Variants in PTPRG observed in about 807,000 individuals in gnomAD.
PTPRG encodes the protein receptor-type tyrosine-protein phosphatase gamma.
Under a neutral mutation model 165.3 loss-of-function variants are expected in PTPRG, and 102 were observed. That is an observed-to-expected ratio of 0.62 (90% CI 0.53 to 0.73). The LOEUF is 0.73. Among genes scored for constraint, PTPRG ranks in the 30% least tolerant of loss-of-function variants. The pLI, the probability that PTPRG is intolerant of heterozygous loss-of-function variation, is 0.00. For synonymous variants in PTPRG, 675 were observed against 669.5 expected (o/e 1.01, Z -0.13); for missense variants, 1,866 against 1,861.4 (o/e 1.00, Z -0.05).
chr3:61,903,400 G>A (rs1355205071), intron 2 of PTPRG, among the ~76,000 whole-genome samples: 1 of 152,186 alleles, frequency 6.6e-6, no homozygotes, highest in Non-Finnish European at 1.5e-5. Flanking sequence ...TTGAGACGGA[G>A]TCTTGTTCTG....
intron 1 of PTPRG, among the ~76,000 whole-genome samples, chr3:61,701,760 C>T (rs2030973543): frequency 2.6e-5 from 4 of 151,880 alleles, no homozygotes; most frequent in South Asian, 2.1e-4. Context: ...ATCCAGGTGT[C>T]GTGTCACGTG....
chr3:62,016,246 C>T (rs969487824), intron 4 of PTPRG, among the ~76,000 whole-genome samples: 1 of 152,162 alleles, frequency 6.6e-6, no homozygotes, highest in Non-Finnish European at 1.5e-5. Context: ...TGGCTCACTG[C>T]AACCTCCGCC....
In PTPRG at chr3:62,080,637, A is replaced by T. The variant is rs189543292; in HGVS notation, c.615+2379A>T. On this transcript the variant is annotated intron_variant, in intron 5 of 29. Transcript: ENST00000474889. ...GGGAACCTTTCTTAAAAGAAAATTT[A>T]AAAAAAACTTTTTAATGTTTTTATG... 5.4e-3 allele frequency among the ~76,000 whole-genome samples: 821 copies of T among 152,162 alleles called. 4 individuals are homozygous for T. Among genetic ancestry groups the T allele is most frequent in the Middle Eastern group, 0.01 (3 of 292 alleles).
chr3:61,905,175 T>C (rs2107528525), intron 2 of PTPRG, among the ~76,000 whole-genome samples: 1 of 152,220 alleles, frequency 6.6e-6, no homozygotes, highest in East Asian at 1.9e-4. Flanking sequence ...ATACAGGTTA[T>C]ATTACTCTCA....
chr3:61,684,637 C>T (rs1033102745), intron 1 of PTPRG, among the ~76,000 whole-genome samples: 6 of 152,240 alleles, frequency 3.9e-5, no homozygotes, highest in African/African-American at 9.6e-5. Context: ...GTCATAAAAG[C>T]GGGGGCCTCT....
intron 8 of PTPRG, among the ~76,000 whole-genome samples, chr3:62,185,207 C>T (rs544047466): frequency 1.3e-5 from 2 of 152,154 alleles, no homozygotes; most frequent in Non-Finnish European, 2.9e-5. Flanking sequence ...AGGAGCAGTA[C>T]CTTCATGCCT....
At chr3:61,730,891 G>C (rs2032463027) in intron 1 of PTPRG, among the ~76,000 whole-genome samples, 1 of 152,184 alleles carries the variant, frequency 6.6e-6, no homozygotes, top group Non-Finnish European at 1.5e-5. Flanking sequence ...TTGGGAACTG[G>C]ATTTCTAGGT....
intron 1 of PTPRG, among the ~76,000 whole-genome samples, chr3:61,724,225 A>AAG (rs56299416): frequency 1.3e-5 from 2 of 151,570 alleles, no homozygotes; most frequent in East Asian, 3.9e-4. Flanking sequence ...TCCAAAAAAA[A>AAG]AAAAAAGTAG....
intron 2 of PTPRG, among the ~76,000 whole-genome samples, chr3:61,937,786 A>G (rs964225131): frequency 7.2e-5 from 11 of 152,340 alleles, no homozygotes; most frequent in Admixed American, 2.0e-4. Flanking sequence ...TCCACCTCCC[A>G]GCTCCAGTAT....
intron 14 of PTPRG, 77 bp from the exon 15 acceptor site, chr3:62,243,730 T>C (rs1028795721): frequency 1.3e-5 from 12 of 926,844 alleles, no homozygotes; most frequent in East Asian, 1.1e-4. Context: ...GGAAGATCTA[T>C]AAAATAAGAA....
intron 2 of PTPRG, among the ~76,000 whole-genome samples, chr3:61,931,899 C>T (rs190170116): frequency 5.9e-5 from 9 of 152,280 alleles, no homozygotes; most frequent in Admixed American, 5.2e-4. Flanking sequence ...AAAGCCAGAC[C>T]TTTGGTCCTA....
At chr3:62,285,416 G>C (rs1250217665) in intron 28 of PTPRG, among the ~76,000 whole-genome samples, 4 of 149,946 alleles carry the variant, frequency 2.7e-5, no homozygotes, top group Admixed American at 1.3e-4. Flanking sequence ...GCACGCATTT[G>C]ATCTGTGAGG....
At chr3:61,714,412 A>T (rs1219959387) in intron 1 of PTPRG, among the ~76,000 whole-genome samples, 1 of 152,108 alleles carries the variant, frequency 6.6e-6, no homozygotes, top group Non-Finnish European at 1.5e-5. Context: ...TTCCTCCCTG[A>T]TAGCTGGAAT....
chr3:61,583,105 G>T (rs75253390), intron 1 of PTPRG, among the ~76,000 whole-genome samples: 1 of 152,276 alleles, frequency 6.6e-6, no homozygotes, highest in Non-Finnish European at 1.5e-5. Context: ...TGCATGTCTG[G>T]GACTTGGACC....
At chr3:61,759,959 C>T (rs1468966352) in intron 2 of PTPRG, among the ~76,000 whole-genome samples, 1 of 152,054 alleles carries the variant, frequency 6.6e-6, no homozygotes, top group African/African-American at 2.4e-5. Flanking sequence ...TTTCATTATA[C>T]CCTGGTACCC....
chr3:62,209,474 G>C (rs1479217279), intron 12 of PTPRG, among the ~76,000 whole-genome samples: 1 of 152,232 alleles, frequency 6.6e-6, no homozygotes, highest in Non-Finnish European at 1.5e-5. Flanking sequence ...AGATCGGGCA[G>C]AAATCATGAA....
intron 2 of PTPRG, among the ~76,000 whole-genome samples, chr3:61,941,717 C>T (rs942954667): frequency 1.3e-5 from 2 of 152,186 alleles, no homozygotes; most frequent in African/African-American, 4.8e-5. Flanking sequence ...TAGTCTCCCT[C>T]CAACTTCCCC....
chr3:62,152,414 A>C (rs997376053), intron 6 of PTPRG, among the ~76,000 whole-genome samples: 2 of 152,166 alleles, frequency 1.3e-5, no homozygotes, highest in African/African-American at 2.4e-5. Context: ...TCAGCTGAAA[A>C]GTGCTTTATT....
intron 7 of PTPRG, among the ~76,000 whole-genome samples, 182 bp from the exon 8 acceptor site, chr3:62,167,789 G>A (rs1359539265): frequency 1.3e-5 from 2 of 152,178 alleles, no homozygotes; most frequent in Non-Finnish European, 2.9e-5. Flanking sequence ...TGAGCCTGTT[G>A]GCAGTGTTTC....
Sources: allele counts gnomAD v4.1 joint callset (sites outside exome capture counted in the v4.1 genomes callset), GRCh38; gene constraint gnomAD v4.1.1; transcripts MANE v1.5; gene names NCBI Gene and HGNC (gene_info 2026-07-23, HGNC 2026-07-21).